Variants in CRACR2A observed in about 807,000 individuals in gnomAD.
CRACR2A encodes the protein EF-hand calcium-binding domain-containing protein 4B.
Under a neutral mutation model 90.5 loss-of-function variants are expected in CRACR2A, and 79 were observed. The observed-to-expected ratio is 0.87, with a 90% CI of 0.73 to 1.05. CRACR2A has a LOEUF of 1.05. CRACR2A is among the 50% of genes least tolerant of loss of function. CRACR2A has a pLI of 0.00. For missense variants in CRACR2A, 823 were observed against 897.2 expected, an observed-to-expected ratio of 0.92 and a Z score of 1.06; for synonymous variants, 338 against 356.7, an observed-to-expected ratio of 0.95 and a Z score of 0.59.
At chr12:3,681,677 T>C (rs1206942125) in intron 4 of CRACR2A, among the ~76,000 whole-genome samples, 1 of 152,156 alleles carries the variant, frequency 6.6e-6, no homozygotes, top group Non-Finnish European at 1.5e-5. Context: ...CTGAAAACAA[T>C]GAATGCGGGG....
At chr12:3,656,191 A>G (rs1175249369) in intron 9 of CRACR2A, 120 bp downstream of exon 9, 12 of 876,496 alleles carry the variant, frequency 1.4e-5, no homozygotes, top group Admixed American at 2.1e-5. Context: ...GCGACTAAAT[A>G]GTTCTTCTCA....
At chr12:3,681,319 T>C (rs892819082) in intron 4 of CRACR2A, among the ~76,000 whole-genome samples, 157 of 152,254 alleles carry the variant, frequency 1.0e-3, no homozygotes, top group African/African-American at 3.5e-3. Flanking sequence ...CCAAGAGTAT[T>C]TGTGTGTTAA....
intron 7 of CRACR2A, among the ~76,000 whole-genome samples, chr12:3,661,453 G>A (rs1788547612): frequency 6.6e-6 from 1 of 152,142 alleles, no homozygotes; most frequent in South Asian, 2.1e-4. Flanking sequence ...CCACAAGCTG[G>A]GACCCCGTCT....
At chr12:3,631,524 G>C (rs1320225886) in intron 15 of CRACR2A, among the ~76,000 whole-genome samples, 1 of 152,186 alleles carries the variant, frequency 6.6e-6, no homozygotes, top group African/African-American at 2.4e-5. Flanking sequence ...CCCAGGCGCT[G>C]TCTCCTGTGT....
intron 1 of CRACR2A, among the ~76,000 whole-genome samples, chr12:3,734,071 C>T (rs577464716): frequency 3.2e-4 from 48 of 148,784 alleles, no homozygotes; most frequent in South Asian, 1.1e-3. Context: ...CTCGGGTTCA[C>T]GCCATTCTCC....
intron 17 of CRACR2A, among the ~76,000 whole-genome samples, chr12:3,622,380 C>T (rs1292061640): frequency 1.3e-5 from 2 of 152,204 alleles, no homozygotes; most frequent in Non-Finnish European, 2.9e-5. Flanking sequence ...AGTCTCTCCT[C>T]TTTTCTGTGT....
At chr12:3,632,358 G>C (rs188604117) in intron 15 of CRACR2A, among the ~76,000 whole-genome samples, 2 of 152,206 alleles carry the variant, frequency 1.3e-5, no homozygotes, top group East Asian at 3.9e-4. Flanking sequence ...ACTAATACAG[G>C]TACCCAGTTA....
chr12:3,700,885 C>T (rs1945824890), intron 3 of CRACR2A, among the ~76,000 whole-genome samples: 1 of 152,202 alleles, frequency 6.6e-6, no homozygotes, highest in African/African-American at 2.4e-5. Flanking sequence ...ATAGAACACT[C>T]CACCCAATGA....
chr12:3,699,581 G>C (rs1945801319), intron 3 of CRACR2A, among the ~76,000 whole-genome samples: 1 of 152,178 alleles, frequency 6.6e-6, no homozygotes, highest in South Asian at 2.1e-4. Context: ...AGAAATAGTA[G>C]AGAGGATTTC....
chr12:3,643,854 ATT>A (rs1247401757), intron 12 of CRACR2A, among the ~76,000 whole-genome samples: 3 of 44,960 alleles, frequency 6.7e-5, no homozygotes, highest in Non-Finnish European at 8.2e-5. Flanking sequence ...TATATTATAT[ATT>A]TATATTATAT....
chr12:3,659,728 CCA>C, intron 7 of CRACR2A, 74 bp from the exon 8 acceptor site: 1 of 1,190,498 alleles, frequency 8.4e-7, no homozygotes, highest in South Asian at 1.2e-5. Context: ...AGCTCAGACA[CCA>C]GTTCCCCAAC....
chr12:3,696,172 T>C (rs1945736593), intron 4 of CRACR2A, among the ~76,000 whole-genome samples: 1 of 152,214 alleles, frequency 6.6e-6, no homozygotes, highest in African/African-American at 2.4e-5. Flanking sequence ...AGATGAGTAG[T>C]TGTGATAGAG....
At chr12:3,644,147 A>G (rs1488740359) in intron 12 of CRACR2A, among the ~76,000 whole-genome samples, 1 of 149,786 alleles carries the variant, frequency 6.7e-6, no homozygotes, top group Non-Finnish European at 1.5e-5. Context: ...ATAGAGAAAA[A>G]TTGTTCATAA....
intron 15 of CRACR2A, among the ~76,000 whole-genome samples, chr12:3,631,972 T>C (rs1944383736): frequency 6.6e-6 from 1 of 152,160 alleles, no homozygotes; most frequent in Admixed American, 6.5e-5. Context: ...AGTTTGGATT[T>C]GTATCCCCAC....
intron 13 of CRACR2A, 41 bp from the exon 14 acceptor site, chr12:3,638,495 C>T: frequency 6.7e-7 from 1 of 1,485,280 alleles, no homozygotes; most frequent in Non-Finnish European, 9.0e-7. Context: ...GAGGATTTCA[C>T]AAAATATTTC....
chr12:3,685,628 T>G (rs242011), intron 4 of CRACR2A, among the ~76,000 whole-genome samples: 151,868 of 152,346 alleles, frequency 1, 75,697 homozygotes, highest in Middle Eastern at 1. Flanking sequence ...TAAGCCAGTC[T>G]CAAAAGGACA....
chr12:3,682,101 C>G (rs554739922), intron 4 of CRACR2A, among the ~76,000 whole-genome samples: 1 of 152,292 alleles, frequency 6.6e-6, no homozygotes, highest in East Asian at 1.9e-4. Context: ...ATTTTATTAG[C>G]ATCATTGGAA....
intron 1 of CRACR2A, among the ~76,000 whole-genome samples, chr12:3,751,344 T>G (rs1946699654): frequency 1.3e-5 from 2 of 152,132 alleles, no homozygotes; most frequent in African/African-American, 4.8e-5. Flanking sequence ...TGCAATGGGC[T>G]TCTTCCCAGG....
At chr12:3,719,001 G>C (rs919726788) in intron 2 of CRACR2A, among the ~76,000 whole-genome samples, 1 of 152,178 alleles carries the variant, frequency 6.6e-6, no homozygotes, top group Non-Finnish European at 1.5e-5. Context: ...AAAACTTCAG[G>C]GTGGGGAGAC....
Sources: gnomAD v4.1 joint callset for allele counts (sites outside exome capture counted in the v4.1 genomes callset) on GRCh38, gnomAD v4.1.1 for gene constraint, MANE v1.5 for transcripts, NCBI Gene and HGNC (gene_info 2026-07-23, HGNC 2026-07-21) for gene names.